The following OR52N4 variants were observed in gnomAD, a reference collection of about 807,000 sequenced individuals.
The protein encoded by OR52N4 is olfactory receptor family 52 subfamily N member 4, also known as olfactory receptor 52N4.
A neutral mutation model predicts 15.0 loss-of-function variants in OR52N4; 15 were observed. The ratio of observed to expected loss-of-function variants is 1.00; its 90% CI spans 0.67 to 1.54. OR52N4 has a LOEUF of 1.54. Ranked by LOEUF, OR52N4 falls within the 40% of genes most tolerant of loss-of-function variation. The pLI is 0.00. For synonymous variants in OR52N4, 143 were observed against 143.7 expected (o/e 1.00, Z 0.03); for missense variants, 421 against 394.0 (o/e 1.07, Z -0.58).
the OR52N4 span, among the ~76,000 whole-genome samples, chr11:5,729,121 T>A: frequency 5.9e-5 from 8 of 134,534 alleles, no homozygotes; most frequent in Admixed American, 2.2e-4. Flanking sequence ...GAGATTTTTT[T>A]TTTTTTTTTT....
chr11:5,732,142 T>A, the OR52N4 span, among the ~76,000 whole-genome samples: 28 of 152,284 alleles, frequency 1.8e-4, no homozygotes, highest in African/African-American at 6.7e-4. Context: ...TTACTCTTCC[T>A]GTCTAACTGA....
the OR52N4 span, among the ~76,000 whole-genome samples, chr11:5,730,233 C>A: frequency 6.8e-6 from 1 of 146,914 alleles, no homozygotes; most frequent in Non-Finnish European, 1.5e-5. Context: ...ACTCTGGTGC[C>A]CAGGATGGAG....
At chr11:5,736,935 G>A in the OR52N4 span, 7 of 1,613,776 alleles carry the variant, frequency 4.3e-6, no homozygotes, top group Admixed American at 1.7e-5. Context: ...CACCCTCTTC[G>A]CTATCCATCA....
chr11:5,737,570 G>C, the OR52N4 span: 3 of 1,310,014 alleles, frequency 2.3e-6, no homozygotes, highest in Non-Finnish European at 3.1e-6. Context: ...AAATGAGTAA[G>C]TGAATACCTT....
the OR52N4 span, among the ~76,000 whole-genome samples, chr11:5,729,479 C>T: frequency 6.6e-6 from 1 of 152,146 alleles, no homozygotes; most frequent in Non-Finnish European, 1.5e-5. Flanking sequence ...AGTTCATCAA[C>T]AAAATTACTT....
At chr11:5,737,144 G>A in the OR52N4 span, 1 of 1,613,998 alleles carries the variant, frequency 6.2e-7, no homozygotes, top group Non-Finnish European at 8.5e-7. Flanking sequence ...TTGCCAGTTG[G>A]TTCTGGCATG....
At chr11:5,735,438 T>C in the OR52N4 span, among the ~76,000 whole-genome samples, 1 of 152,010 alleles carries the variant, frequency 6.6e-6, no homozygotes, top group Non-Finnish European at 1.5e-5. Flanking sequence ...TGTGAAACCA[T>C]GAATTATTTT....
chr11:5,748,322 G>GT, the OR52N4 span, among the ~76,000 whole-genome samples: 1 of 151,510 alleles, frequency 6.6e-6, no homozygotes, highest in African/African-American at 2.4e-5. Context: ...ATACCGTTAT[G>GT]TTTTTTCAAG....
At chr11:5,733,592 T>C in the OR52N4 span, among the ~76,000 whole-genome samples, 1 of 152,146 alleles carries the variant, frequency 6.6e-6, no homozygotes, top group African/African-American at 2.4e-5. Flanking sequence ...CTAATCCCAG[T>C]CTATTATTAT....
At chr11:5,731,425 A>G in the OR52N4 span, among the ~76,000 whole-genome samples, 9 of 152,202 alleles carry the variant, frequency 5.9e-5, no homozygotes, top group African/African-American at 1.9e-4. Context: ...GATGTAATAC[A>G]GTAAAGGGTT....
chr11:5,742,777 TA>T, the OR52N4 span, among the ~76,000 whole-genome samples: 2 of 151,452 alleles, frequency 1.3e-5, no homozygotes, highest in Admixed American at 1.3e-4. Flanking sequence ...CTTGCGACAA[TA>T]AAAAAACAAG....
the OR52N4 span, among the ~76,000 whole-genome samples, chr11:5,746,633 T>G: frequency 6.6e-6 from 1 of 152,144 alleles, no homozygotes; most frequent in Admixed American, 6.6e-5. Flanking sequence ...AGTCAGAATA[T>G]CTGTGATTAA....
chr11:5,752,702 T>A (rs1297478047), upstream of OR52N4, among the ~76,000 whole-genome samples: 2 of 152,226 alleles, frequency 1.3e-5, no homozygotes, highest in African/African-American at 2.4e-5. Flanking sequence ...ACATGTTGAT[T>A]GATTTTTACA....
At chr11:5,737,021 C>T in the OR52N4 span, 13 of 1,614,096 alleles carry the variant, frequency 8.1e-6, no homozygotes, top group Non-Finnish European at 1.1e-5. Context: ...CACTCCAGTG[C>T]CTGTGCTTGC....
the OR52N4 span, chr11:5,737,585 A>G: frequency 8.6e-7 from 1 of 1,166,928 alleles, no homozygotes. Context: ...TACCTTTGGG[A>G]TTCCCTTTTT....
the OR52N4 span, among the ~76,000 whole-genome samples, chr11:5,732,417 A>T: frequency 6.6e-6 from 1 of 152,190 alleles, no homozygotes; most frequent in Non-Finnish European, 1.5e-5. Context: ...CACTCCAAAA[A>T]TAGACAGTTC....
the OR52N4 span, among the ~76,000 whole-genome samples, chr11:5,739,866 C>A: frequency 1.6e-5 from 2 of 127,868 alleles, no homozygotes; most frequent in African/African-American, 5.6e-5. Context: ...GCCATTCTGG[C>A]CAGAAATGAA....
At chr11:5,734,294 T>C in the OR52N4 span, 1 of 434,312 alleles carries the variant, frequency 2.3e-6, no homozygotes, top group African/African-American at 2.1e-5. Flanking sequence ...TTCAATGGCT[T>C]ATCCTAAACA....
chr11:5,743,949 T>C, the OR52N4 span, among the ~76,000 whole-genome samples: 1 of 151,762 alleles, frequency 6.6e-6, no homozygotes, highest in African/African-American at 2.4e-5. Flanking sequence ...GTTGGTTCTT[T>C]GAAAAGATAA....
Sources: gnomAD v4.1 joint callset for allele counts (sites outside exome capture counted in the v4.1 genomes callset) on GRCh38, gnomAD v4.1.1 for gene constraint, MANE v1.5 for transcripts, NCBI Gene and HGNC (gene_info 2026-07-23, HGNC 2026-07-21) for gene names.